HERC1: variants seen among roughly 807,000 people sequenced by gnomAD.
HERC1 encodes the protein probable E3 ubiquitin-protein ligase HERC1.
In HERC1, 160 loss-of-function variants were observed where a neutral mutation model predicts 554.3. The observed-to-expected ratio is 0.29, with a 90% CI of 0.25 to 0.33. HERC1 has a LOEUF of 0.33. Among genes scored for constraint, HERC1 ranks in the 10% least tolerant of loss-of-function variants. HERC1 has a pLI of 1.00. For missense variants in HERC1, 4,919 were observed against 5,918.5 expected (o/e 0.83, Z 5.54); for synonymous variants, 2,175 against 2,131.7 (o/e 1.02, Z -0.56).
intron 54 of HERC1, among the ~76,000 whole-genome samples, chr15:63,648,668 T>C (rs561547451): frequency 6.6e-6 from 1 of 152,338 alleles, no homozygotes; most frequent in African/African-American, 2.4e-5. Context: ...TTTCTACTTG[T>C]TTCTTCAAGT....
chr15:63,831,274 T>C (rs551893850), intron 1 of HERC1, among the ~76,000 whole-genome samples: 1 of 152,172 alleles, frequency 6.6e-6, no homozygotes, highest in South Asian at 2.1e-4. Context: ...GTCCAGCAAA[T>C]TTTTGTATTT....
At chr15:63,765,877 A>G (rs1346324668) in intron 2 of HERC1, among the ~76,000 whole-genome samples, 1 of 152,078 alleles carries the variant, frequency 6.6e-6, no homozygotes, top group Non-Finnish European at 1.5e-5. Flanking sequence ...TATTTTTTTG[A>G]GACTGTTTCG....
chr15:63,671,084 T>C (rs968520068), intron 39 of HERC1, among the ~76,000 whole-genome samples: 4 of 150,804 alleles, frequency 2.7e-5, no homozygotes, highest in Admixed American at 6.6e-5. Flanking sequence ...ATGCCTGTAA[T>C]CCCAACTACT....
At chr15:63,833,743 A>G (rs1198683242) in intron 1 of HERC1, 84 bp downstream of exon 1, 4 of 66,346 alleles carry the variant, frequency 6.0e-5, no homozygotes, top group African/African-American at 1.8e-4. Context: ...CAAAGCACAC[A>G]CGCGCGCGCG....
chr15:63,669,975 C>T (rs554442428), intron 39 of HERC1, among the ~76,000 whole-genome samples: 7 of 152,268 alleles, frequency 4.6e-5, no homozygotes, highest in Non-Finnish European at 1.0e-4. Flanking sequence ...TGAAAAATGC[C>T]TGCCTTCACA....
At chr15:63,667,587 G>A (rs1447886097) in intron 40 of HERC1, among the ~76,000 whole-genome samples, 1 of 152,150 alleles carries the variant, frequency 6.6e-6, no homozygotes, top group East Asian at 1.9e-4. Context: ...GAGCTTATGT[G>A]TAAAAGTGAA....
chr15:63,775,735 G>C lies in HERC1; in HGVS notation c.-26-86C>G, dbSNP rs1668794784. 2.1e-6 allele frequency: 2 copies of C among 951,896 alleles called. No individual in the cohort carries two copies. The highest frequency in any genetic ancestry group is 5.3e-5 in the Admixed American group (2 of 38,050). 59.0% of individuals were successfully genotyped at this position (951,896 alleles called of 1,614,324 possible). On this transcript the variant is annotated intron_variant, in intron 1 of 77. Coordinates refer to ENST00000443617, the MANE Select transcript of HERC1 (RefSeq NM_003922.4). The surrounding 1 kb of genome is among the most constrained non-coding windows in gnomAD (Gnocchi z 4.0). ...AATTTCATCTTACATTACAATTAAT[G>C]ATTTCAAACTGGTGAAATGCAGCCG...
chr15:63,727,557 G>T lies in HERC1; in HGVS notation c.3346+90C>A. ...AAATTCCTTTGATAGCCTTAGGATA[G>T]ATAGACTCCAATGGAAAAACACAGT... is the stretch of plus-strand genomic sequence containing the variant. On this transcript the variant is annotated intron_variant, in intron 17 of 77. Transcript: ENST00000443617. This position sits in a 1 kb window ranked among gnomAD's most constrained non-coding sequence, Gnocchi z 4.3. 1 of 865,030 alleles carries T rather than the reference G, an allele frequency of 1.2e-6. No individual in the cohort carries two copies. The highest frequency in any genetic ancestry group is 1.8e-6 in the Non-Finnish European group (1 of 562,550). 53.6% of individuals were successfully genotyped at this position (865,030 alleles called of 1,614,324 possible).
chr15:63,616,911 C>T (rs1333196363), intron 74 of HERC1, among the ~76,000 whole-genome samples: 1 of 152,156 alleles, frequency 6.6e-6, no homozygotes, highest in Non-Finnish European at 1.5e-5. Flanking sequence ...TTGTTTCACA[C>T]AGCACATGGA....
At chr15:63,708,760 T>C (rs971667083) in intron 24 of HERC1, among the ~76,000 whole-genome samples, 2 of 152,196 alleles carry the variant, frequency 1.3e-5, no homozygotes, top group African/African-American at 2.4e-5. Context: ...ATATGAACGG[T>C]AATCTTAAAT....
rs776067138 is a variant in HERC1, at chr15:63,729,517, G to T, written c.3001C>A (p.His1001Asn). The change falls in exon 15 of 78, where the codon CAT becomes AAT. Residue 1001 changes from histidine (H) to asparagine (N), a missense_variant. By Grantham distance (68) the His-to-Asn change is moderately conservative (BLOSUM62 1). Around this residue, in one of 11 missense-constraint regions of HERC1, gnomAD observed 744 missense variants for 1,090.0 expected, o/e 0.68. Transcript: ENST00000443617. ...SLQKQLLAFCHINNISENSSS... is the reference protein window; with the variant it reads ...SLQKQLLAFCNINNISENSSS... Reference sequence around the variant, plus strand: ...CATACCTCACTAATGTTATTGATATGGCAAAATGCCAGCAGCTGTTTCTGT... The same window carrying T: ...CATACCTCACTAATGTTATTGATATTGCAAAATGCCAGCAGCTGTTTCTGT... The T allele has an allele frequency of 6.2e-7, 1 of 1,613,686 alleles. No homozygotes were observed. The highest frequency in any genetic ancestry group is 1.1e-5 in the South Asian group (1 of 91,070).
intron 1 of HERC1, among the ~76,000 whole-genome samples, chr15:63,777,603 T>C (rs935896261): frequency 2.0e-5 from 3 of 152,236 alleles, no homozygotes; most frequent in African/African-American, 7.2e-5. Flanking sequence ...TATTTTGTTA[T>C]CTTGTCAACT....
In HERC1 at chr15:63,660,253, G is replaced by A. The variant is rs116040183; in HGVS notation, c.9224-317C>T. ...GAGAATTGCTTGAACCTGGGAGGCC[G>A]TGGCTGCAGTAAGCTGAGATCACGC... On this transcript the variant is annotated intron_variant, in intron 46 of 77. Transcript: ENST00000443617. Among the ~76,000 whole-genome samples the A allele has an allele frequency of 1.2e-3, 177 of 152,268 alleles. 1 individual carries two copies. Among genetic ancestry groups the A allele is most frequent in the African/African-American group, 4.2e-3 (175 of 41,544 alleles).
chr15:63,740,109 C>A (rs1359566414), intron 12 of HERC1, among the ~76,000 whole-genome samples: 1 of 152,034 alleles, frequency 6.6e-6, no homozygotes, highest in East Asian at 1.9e-4. Context: ...CAGGGTTTCA[C>A]CATTTGGCCA....
Position 63,677,827 on chromosome 15 carries a change from T to C in HERC1, c.7070+18A>G. The C allele has an allele frequency of 1.9e-6, 3 of 1,599,922 alleles. No individual in the cohort carries two copies. The highest frequency in any genetic ancestry group is 2.6e-6 in the Non-Finnish European group (3 of 1,171,124). ...ATTAAATATTTGTTTGCTAAAAGTG[T>C]AACTCAACAGATCATACCTGATAGT... On this transcript the variant is annotated intron_variant, in intron 37 of 77. Coordinates refer to ENST00000443617, the MANE Select transcript of HERC1 (RefSeq NM_003922.4). The surrounding 1 kb of genome is among the most constrained non-coding windows in gnomAD (Gnocchi z 4.4).
chr15:63,716,042 A>C (rs964312344), intron 22 of HERC1, among the ~76,000 whole-genome samples: 2 of 152,214 alleles, frequency 1.3e-5, no homozygotes, highest in African/African-American at 4.8e-5. Context: ...GTTTCATTTC[A>C]TGATGAGGCT....
chr15:63,622,743 A>C, intron 74 of HERC1, 72 bp downstream of exon 74: 1 of 1,177,280 alleles, frequency 8.5e-7, no homozygotes, highest in Non-Finnish European at 1.2e-6. Flanking sequence ...CCTGGTACAT[A>C]GTAAGCACTC....
At position 63,677,113 on chromosome 15, in the gene HERC1, T is replaced by G. The variant is rs2071250760; in HGVS notation, c.7070+732A>C. Among the ~76,000 whole-genome samples the G allele has an allele frequency of 6.6e-6, 1 of 152,182 alleles. No homozygotes were observed. The highest frequency in any genetic ancestry group is 6.5e-5 in the Admixed American group (1 of 15,288). On this transcript the variant is annotated intron_variant, in intron 37 of 77. Coordinates refer to ENST00000443617, the MANE Select transcript of HERC1 (RefSeq NM_003922.4). This position sits in a 1 kb window ranked among gnomAD's most constrained non-coding sequence, Gnocchi z 4.4. ...TGCTCCAATGGGCAACTCCTTTGAG[T>G]GAAAACCTGAAACTTTTTGAGCACC...
chr15:63,816,083 C>A (rs953671319), intron 1 of HERC1, among the ~76,000 whole-genome samples: 1 of 68,502 alleles, frequency 1.5e-5, no homozygotes, highest in South Asian at 3.2e-4. Context: ...GGTGGGGACA[C>A]AGCCAAACCA....
Sources: gnomAD v4.1 joint callset for allele counts (sites outside exome capture counted in the v4.1 genomes callset) on GRCh38, gnomAD v4.1.1 for gene constraint, gnomAD v4.1.1 regional missense constraint, Gnocchi (gnomAD v3.1) non-coding constraint, MANE v1.5 for transcripts, NCBI Gene and HGNC (gene_info 2026-07-23, HGNC 2026-07-21) for gene names.